ANKRD44: variants seen among roughly 807,000 people sequenced by gnomAD.
ANKRD44 encodes the protein serine/threonine-protein phosphatase 6 regulatory ankyrin repeat subunit B.
A neutral mutation model predicts 116.0 loss-of-function variants in ANKRD44; 35 were observed. The ratio of observed to expected loss-of-function variants is 0.30; its 90% CI spans 0.23 to 0.40. ANKRD44 has a LOEUF of 0.40. ANKRD44 is among the 10% of genes least tolerant of loss of function. The probability of loss-of-function intolerance (pLI) is 1.00; values close to 1 mark genes in which losing one functional copy is unlikely to be tolerated. For synonymous variants in ANKRD44, 435 were observed against 461.8 expected (o/e 0.94, Z 0.74); for missense variants, 1,014 against 1,242.6 (o/e 0.82, Z 2.77).
intron 1 of ANKRD44, among the ~76,000 whole-genome samples, chr2:197,218,179 C>G (rs2081494028): frequency 6.6e-6 from 1 of 152,152 alleles, no homozygotes. Flanking sequence ...GGAAGACTAT[C>G]CTGTACCTGA....
rs1365043237 is a variant in ANKRD44 at position 197,255,688 on chromosome 2, G to T, written c.27+54890C>A. On this transcript the variant is annotated intron_variant, in intron 1 of 27. Coordinates refer to ENST00000282272, the MANE Select transcript of ANKRD44 (RefSeq NM_001195144.2). ...CTTTGCTGTTGCCACTGACAGTGTG[G>T]TAAGAGGCGGCCCCCTGGGTTTCCC... is the stretch of plus-strand genomic sequence containing the variant. Among the ~76,000 whole-genome samples, 4 of 152,356 alleles carry T rather than the reference G, an allele frequency of 2.6e-5. No homozygotes were observed. In the East Asian group the frequency reaches 5.8e-4, roughly 22 times the overall value.
chr2:197,057,185 A>C (rs1371856355), intron 16 of ANKRD44, among the ~76,000 whole-genome samples: 1 of 152,240 alleles, frequency 6.6e-6, no homozygotes, highest in East Asian at 1.9e-4. Flanking sequence ...TTCTACTCCT[A>C]GTTAGCTAAG....
At chr2:197,105,000 A>AGT (rs2078391024) in intron 9 of ANKRD44, among the ~76,000 whole-genome samples, 1 of 152,220 alleles carries the variant, frequency 6.6e-6, no homozygotes, top group African/African-American at 2.4e-5. Flanking sequence ...CGAAAAGGGA[A>AGT]TCCCTTTTTA....
At chr2:197,001,702 G>A (rs765097417) in intron 22 of ANKRD44, 51 bp downstream of exon 22, 9 of 1,369,700 alleles carry the variant, frequency 6.6e-6, no homozygotes, top group South Asian at 1.3e-5. Flanking sequence ...TTTTCTATGT[G>A]TAGTTAAAAT....
At chr2:197,030,245 T>A (rs2076679020) in intron 16 of ANKRD44, 1 of 152,326 alleles carries the variant, frequency 6.6e-6, no homozygotes, top group Admixed American at 6.5e-5. Context: ...CACCAACTTG[T>A]ATAAAAAAAC....
intron 8 of ANKRD44, among the ~76,000 whole-genome samples, chr2:197,115,953 C>T (rs1453676252): frequency 6.6e-6 from 1 of 152,196 alleles, no homozygotes; most frequent in Non-Finnish European, 1.5e-5. Flanking sequence ...CCTATTTACA[C>T]AGAGTCAATC....
Position 196,987,914 on chromosome 2 carries a change from T to C in ANKRD44, c.*1677A>G. 1 of 982,778 alleles carries C rather than the reference T, an allele frequency of 1.0e-6. No individual in the cohort carries two copies. The highest frequency in any genetic ancestry group is 4.7e-5 in the South Asian group (1 of 21,222). 60.9% of individuals were successfully genotyped at this position (982,778 alleles called of 1,614,324 possible). A position where few individuals can be genotyped will look rare whatever the true frequency, so the allele number is the denominator to read the frequency against. ...AGATGTAATTAAAATACAGAAATGA[T>C]AGTTTTTAAAGTCATTTCTTTAAAA... On this transcript the variant is annotated 3_prime_UTR_variant, in exon 28 of 28. Transcript: ENST00000282272.
chr2:197,226,693 T>C (rs1394875552), intron 1 of ANKRD44, among the ~76,000 whole-genome samples: 1 of 152,040 alleles, frequency 6.6e-6, no homozygotes, highest in East Asian at 1.9e-4. Context: ...GATTCTGATG[T>C]ATAGTGAGGG....
chr2:197,065,718 TGG>T (rs2077417706), intron 16 of ANKRD44, among the ~76,000 whole-genome samples: 1 of 152,196 alleles, frequency 6.6e-6, no homozygotes, highest in Non-Finnish European at 1.5e-5. Context: ...GATAAATTCC[TGG>T]ACATATACAC....
At chr2:197,271,473 AT>A (rs1211984831) in intron 1 of ANKRD44, among the ~76,000 whole-genome samples, 2 of 152,220 alleles carry the variant, frequency 1.3e-5, no homozygotes, top group Non-Finnish European at 2.9e-5. Flanking sequence ...TTGTTTATAA[AT>A]TACCCAGTCT....
chr2:197,219,364 G>A (rs1450390753), intron 1 of ANKRD44, among the ~76,000 whole-genome samples: 1 of 152,110 alleles, frequency 6.6e-6, no homozygotes, highest in Non-Finnish European at 1.5e-5. Flanking sequence ...CACTGCGCCT[G>A]GCCCTAAAGT....
rs1477140674 is a variant in ANKRD44 at position 196,987,010 on chromosome 2, A to C, written c.*2581T>G. 1 of 985,404 alleles carries C rather than the reference A, an allele frequency of 1.0e-6. No individual in the cohort carries two copies. The highest frequency in any genetic ancestry group is 1.2e-6 in the Non-Finnish European group (1 of 829,860). 61.0% of individuals were successfully genotyped at this position (985,404 alleles called of 1,614,324 possible). ...CCAGATTTGTATCATCGTGCTTTAC[A>C]AAGATATATTGCACATGCTAGAGCA... On this transcript the variant is annotated 3_prime_UTR_variant, in exon 28 of 28. Transcript: ENST00000282272.
chr2:197,112,876 C>T (rs947313532), intron 8 of ANKRD44, among the ~76,000 whole-genome samples: 1 of 150,946 alleles, frequency 6.6e-6, no homozygotes, highest in African/African-American at 2.4e-5. Flanking sequence ...GGTTTTAACA[C>T]AAGCATTTTA....
intron 21 of ANKRD44, 43 bp from the exon 22 acceptor site, chr2:197,001,883 A>G (rs761940096): frequency 7.3e-6 from 11 of 1,504,952 alleles, no homozygotes; most frequent in Non-Finnish European, 1.0e-5. Flanking sequence ...CAAGAAAGAA[A>G]TTTTGTTCAA....
At chr2:197,080,484 C>G (rs1165220661) in intron 15 of ANKRD44, among the ~76,000 whole-genome samples, 1 of 152,148 alleles carries the variant, frequency 6.6e-6, no homozygotes, top group Non-Finnish European at 1.5e-5. Context: ...CTTTCTTGTC[C>G]CCTCCCTCTC....
At chr2:197,264,051 T>C (rs534570205) in intron 1 of ANKRD44, among the ~76,000 whole-genome samples, 5 of 152,302 alleles carry the variant, frequency 3.3e-5, no homozygotes, top group African/African-American at 1.2e-4. Flanking sequence ...GCCTAGGAGC[T>C]TGAGACCAGC....
intron 16 of ANKRD44, among the ~76,000 whole-genome samples, chr2:197,034,738 TTC>T (rs1411583967): frequency 2.0e-5 from 3 of 151,906 alleles, no homozygotes; most frequent in Non-Finnish European, 4.4e-5. Context: ...TTTGCCAGGA[TTC>T]TGTTTGGGTG....
intron 18 of ANKRD44, among the ~76,000 whole-genome samples, chr2:197,011,559 G>T (rs1316107002): frequency 2.0e-5 from 3 of 150,946 alleles, no homozygotes; most frequent in Non-Finnish European, 4.4e-5. Flanking sequence ...TGCAACCTCT[G>T]CCTCCTGGGT....
intron 1 of ANKRD44, among the ~76,000 whole-genome samples, chr2:197,249,474 A>T (rs533853580): frequency 6.6e-6 from 1 of 152,346 alleles, no homozygotes; most frequent in Admixed American, 6.5e-5. Flanking sequence ...CAAACAGTAC[A>T]CTGGGAAGCA....
Sources: gnomAD v4.1 joint callset for allele counts (sites outside exome capture counted in the v4.1 genomes callset) on GRCh38, gnomAD v4.1.1 for gene constraint, MANE v1.5 for transcripts, NCBI Gene and HGNC (gene_info 2026-07-23, HGNC 2026-07-21) for gene names.